GAB1: variants seen among roughly 807,000 people sequenced by gnomAD.
GAB1 encodes GRB2 associated binding protein 1, also known as GRB2-associated-binding protein 1.
Under a neutral mutation model 66.5 loss-of-function variants are expected in GAB1, and 19 were observed. The observed-to-expected ratio is 0.29, with a 90% CI of 0.20 to 0.42. The LOEUF (loss-of-function observed/expected upper bound fraction) is 0.42. Among genes scored for constraint, GAB1 ranks in the 10% least tolerant of loss-of-function variants. The pLI is 1.00. For synonymous variants in GAB1, 294 were observed against 301.4 expected (o/e 0.98, Z 0.25); for missense variants, 732 against 858.5 (o/e 0.85, Z 1.84).
At chr4:143,393,273 T>A (rs538720438) in intron 1 of GAB1, among the ~76,000 whole-genome samples, 1 of 150,900 alleles carries the variant, frequency 6.6e-6, no homozygotes, top group Non-Finnish European at 1.5e-5. Context: ...ACAGAAACCA[T>A]GTGTGTAGCC....
intron 3 of GAB1, chr4:143,434,309 CTT>C (rs1307763271): frequency 7.3e-6 from 2 of 274,930 alleles, no homozygotes; most frequent in East Asian, 1.9e-4. Flanking sequence ...AATTACGAAA[CTT>C]TTAGTCTTCA....
At chr4:143,447,178 T>C (rs1353794321) in intron 6 of GAB1, among the ~76,000 whole-genome samples, 3 of 152,136 alleles carry the variant, frequency 2.0e-5, no homozygotes, top group Non-Finnish European at 4.4e-5. Context: ...ACCAGTACCA[T>C]GCTGTTTTGG....
At chr4:143,345,678 G>C (rs1728963463) in intron 1 of GAB1, among the ~76,000 whole-genome samples, 1 of 152,220 alleles carries the variant, frequency 6.6e-6, no homozygotes, top group South Asian at 2.1e-4. Context: ...CCATCCTCCT[G>C]TCAGAAGAGG....
intron 6 of GAB1, among the ~76,000 whole-genome samples, chr4:143,455,514 G>A (rs1489637834): frequency 6.6e-6 from 1 of 152,216 alleles, no homozygotes; most frequent in African/African-American, 2.4e-5. Context: ...TCAGGAGGGA[G>A]CTGGAGAGCT....
intron 8 of GAB1, 152 bp downstream of exon 8, chr4:143,460,639 T>C (rs967135773): frequency 5.9e-6 from 4 of 681,142 alleles, no homozygotes; most frequent in Non-Finnish European, 9.3e-6. Flanking sequence ...AAAAATAATG[T>C]CATAAACTCT....
At chr4:143,387,819 T>G (rs1030220452) in intron 1 of GAB1, among the ~76,000 whole-genome samples, 2 of 152,172 alleles carry the variant, frequency 1.3e-5, no homozygotes, top group Non-Finnish European at 2.9e-5. Flanking sequence ...GTCCTCCCGC[T>G]CCTTGATCCT....
chr4:143,373,378 T>C (rs1407147747), intron 1 of GAB1, among the ~76,000 whole-genome samples: 2 of 152,338 alleles, frequency 1.3e-5, no homozygotes, highest in Non-Finnish European at 2.9e-5. Context: ...AGCAGCTCAA[T>C]AATTAATCCT....
intron 2 of GAB1, among the ~76,000 whole-genome samples, chr4:143,432,182 A>G (rs1327328233): frequency 6.6e-6 from 1 of 152,204 alleles, no homozygotes; most frequent in Non-Finnish European, 1.5e-5. Flanking sequence ...ACTCGAAAAA[A>G]GAAGGAAAAG....
chr4:143,462,874 A>T (rs1735575342), intron 8 of GAB1, among the ~76,000 whole-genome samples: 1 of 152,072 alleles, frequency 6.6e-6, no homozygotes, highest in Non-Finnish European at 1.5e-5. Flanking sequence ...GTTGCGCAGG[A>T]TGGTCTCAAA....
intron 1 of GAB1, among the ~76,000 whole-genome samples, chr4:143,353,404 A>G (rs28989200): frequency 6.6e-6 from 1 of 152,194 alleles, no homozygotes; most frequent in African/African-American, 2.4e-5. Flanking sequence ...TTTCTAATCT[A>G]TCTCTTTTAA....
At chr4:143,430,911 C>A (rs979525227) in intron 2 of GAB1, among the ~76,000 whole-genome samples, 3 of 152,210 alleles carry the variant, frequency 2.0e-5, no homozygotes, top group South Asian at 2.1e-4. Flanking sequence ...ATCCTTTAAC[C>A]CCAGGCAAAA....
chr4:143,348,306 T>C (rs753548232), intron 1 of GAB1, among the ~76,000 whole-genome samples: 5 of 152,180 alleles, frequency 3.3e-5, no homozygotes, highest in Non-Finnish European at 7.3e-5. Context: ...GCTCTAATGG[T>C]TTAAATCCAA....
At chr4:143,458,761 C>T (rs1234126309) in intron 6 of GAB1, among the ~76,000 whole-genome samples, 1 of 151,930 alleles carries the variant, frequency 6.6e-6, no homozygotes, top group East Asian at 1.9e-4. Context: ...ATTACACTAA[C>T]AATTTGAAGT....
intron 2 of GAB1, among the ~76,000 whole-genome samples, chr4:143,421,658 AG>A (rs1443374156): frequency 3.8e-5 from 5 of 130,754 alleles, no homozygotes; most frequent in Admixed American, 2.2e-4. Context: ...GAGAGTTTTT[AG>A]GTTTTTTTTC....
intron 1 of GAB1, among the ~76,000 whole-genome samples, chr4:143,399,760 A>C (rs1731662207): frequency 6.6e-6 from 1 of 152,166 alleles, no homozygotes; most frequent in African/African-American, 2.4e-5. Context: ...TCCACAAGTT[A>C]AATGGTAATT....
At chr4:143,438,817 A>G (rs1322137299) in intron 4 of GAB1, among the ~76,000 whole-genome samples, 5 of 152,160 alleles carry the variant, frequency 3.3e-5, no homozygotes, top group Non-Finnish European at 7.4e-5. Flanking sequence ...GTATGGCCTT[A>G]GTAATGCCTT....
intron 1 of GAB1, among the ~76,000 whole-genome samples, chr4:143,354,559 C>T (rs1482220335): frequency 1.3e-5 from 2 of 151,866 alleles, no homozygotes; most frequent in South Asian, 4.2e-4. Context: ...AGATTTATTG[C>T]CCTTTGCCTA....
At chr4:143,387,579 T>C (rs1399225026) in intron 1 of GAB1, among the ~76,000 whole-genome samples, 5 of 152,194 alleles carry the variant, frequency 3.3e-5, no homozygotes, top group Non-Finnish European at 7.3e-5. Flanking sequence ...TCCTGGACTT[T>C]TCCCTCTTCC....
In GAB1 at chr4:143,452,491, C is replaced by T. The variant is rs141238383; in HGVS notation, c.1586-6894C>T. Among the ~76,000 whole-genome samples the T allele has an allele frequency of 9.2e-3, 1,404 of 152,184 alleles. 16 individuals carry two copies. Among genetic ancestry groups the T allele is most frequent in the East Asian group, 0.042 (219 of 5,180 alleles). On this transcript the variant is annotated intron_variant, in intron 6 of 9. Transcript: ENST00000262994. ...GTTACAGTGATGAGGTTACAGTATA[C>T]AGCAGTATATTAGAAAAATATTAGA... is the stretch of plus-strand genomic sequence containing the variant.
Sources: allele counts gnomAD v4.1 joint callset (sites outside exome capture counted in the v4.1 genomes callset), GRCh38; gene constraint gnomAD v4.1.1; transcripts MANE v1.5; gene names NCBI Gene and HGNC (gene_info 2026-07-23, HGNC 2026-07-21).